LRRC4C: variants seen among roughly 807,000 people sequenced by gnomAD.
LRRC4C encodes leucine rich repeat containing 4C.
Under a neutral mutation model 33.6 loss-of-function variants are expected in LRRC4C, and 5 were observed. The ratio of observed to expected loss-of-function variants is 0.15; its 90% CI spans 0.08 to 0.31. The LOEUF (loss-of-function observed/expected upper bound fraction) is 0.31. Among genes scored for constraint, LRRC4C ranks in the 10% least tolerant of loss-of-function variants. The pLI, the probability that LRRC4C is intolerant of heterozygous loss-of-function variation, is 1.00. For synonymous variants in LRRC4C, 329 were observed against 302.0 expected (o/e 1.09, Z -0.93); for missense variants, 560 against 796.7 (o/e 0.70, Z 3.58).
At chr11:41,024,079 CA>C (rs1328760631) in intron 1 of LRRC4C, among the ~76,000 whole-genome samples, 2 of 151,392 alleles carry the variant, frequency 1.3e-5, no homozygotes, top group Non-Finnish European at 3.0e-5. Context: ...ACTACCTTAT[CA>C]TCCAAATTAT....
intron 2 of LRRC4C, among the ~76,000 whole-genome samples, chr11:40,692,565 G>T (rs1388933315): frequency 6.6e-6 from 1 of 152,038 alleles, no homozygotes; most frequent in East Asian, 1.9e-4. Context: ...GATGAATGGG[G>T]TGGAAGAAAA....
At chr11:40,142,070 G>T (rs1206460559) in intron 5 of LRRC4C, among the ~76,000 whole-genome samples, 2 of 152,028 alleles carry the variant, frequency 1.3e-5, no homozygotes, top group African/African-American at 4.8e-5. Flanking sequence ...ATCACCTGAT[G>T]TCAGGAGTTC....
At chr11:40,782,491 A>C (rs1245545745) in intron 2 of LRRC4C, among the ~76,000 whole-genome samples, 2 of 151,894 alleles carry the variant, frequency 1.3e-5, no homozygotes, top group Admixed American at 1.3e-4. Context: ...TAGCAGCCAC[A>C]AAAGGACTTG....
At chr11:41,395,640 G>A (rs978352039) in intron 1 of LRRC4C, among the ~76,000 whole-genome samples, 9 of 151,912 alleles carry the variant, frequency 5.9e-5, no homozygotes, top group Admixed American at 3.3e-4. Flanking sequence ...AAAATATCAA[G>A]ATCAAGGAAT....
chr11:40,293,094 C>G (rs1944304364), intron 4 of LRRC4C: 1 of 152,386 alleles, frequency 6.6e-6, no homozygotes, highest in Admixed American at 6.6e-5. Context: ...ATTTCAGCCA[C>G]CCGGCCAGCC....
intron 3 of LRRC4C, among the ~76,000 whole-genome samples, chr11:40,559,786 A>G (rs1468567304): frequency 6.6e-6 from 1 of 152,072 alleles, no homozygotes; most frequent in Non-Finnish European, 1.5e-5. Flanking sequence ...GTGGTATCTC[A>G]TTGAGGTTTT....
At chr11:41,189,343 G>A (rs2136201728) in intron 1 of LRRC4C, among the ~76,000 whole-genome samples, 1 of 152,200 alleles carries the variant, frequency 6.6e-6, no homozygotes, top group East Asian at 1.9e-4. Context: ...CTGGCTGAGG[G>A]AACAAGAAGA....
chr11:41,432,520 G>T (rs990530973), intron 1 of LRRC4C, among the ~76,000 whole-genome samples: 5 of 151,988 alleles, frequency 3.3e-5, no homozygotes, highest in Non-Finnish European at 7.4e-5. Flanking sequence ...ATTAATAAAA[G>T]AATATTGTAG....
At chr11:40,750,503 AG>A (rs1948632370) in intron 2 of LRRC4C, among the ~76,000 whole-genome samples, 1 of 151,952 alleles carries the variant, frequency 6.6e-6, no homozygotes, top group African/African-American at 2.4e-5. Context: ...TGTCCTTTGT[AG>A]GGACATGGAT....
intron 2 of LRRC4C, among the ~76,000 whole-genome samples, chr11:40,857,996 AC>A: frequency 9.9e-6 from 1 of 101,252 alleles, no homozygotes; most frequent in Admixed American, 1.1e-4. Flanking sequence ...AGGGACAGGG[AC>A]AGGGACAGGG....
chr11:41,370,147 A>G (rs557604581), intron 1 of LRRC4C, among the ~76,000 whole-genome samples: 1 of 152,272 alleles, frequency 6.6e-6, no homozygotes, highest in South Asian at 2.1e-4. Context: ...ATAATTTTGA[A>G]GTAAGACTGT....
chr11:40,775,207 G>A (rs141259555), intron 2 of LRRC4C, among the ~76,000 whole-genome samples: 16,257 of 151,826 alleles, frequency 0.11, 1,261 homozygotes, highest in East Asian at 0.41. Context: ...TCAGGAGATC[G>A]AGACCATCCT....
chr11:40,597,881 G>C (rs914338491), intron 3 of LRRC4C, among the ~76,000 whole-genome samples: 6 of 152,164 alleles, frequency 3.9e-5, no homozygotes, highest in Non-Finnish European at 8.8e-5. Context: ...CCAATAGTTT[G>C]CATAATATTT....
intron 2 of LRRC4C, among the ~76,000 whole-genome samples, chr11:40,926,726 T>C (rs1957419735): frequency 6.6e-6 from 1 of 152,124 alleles, no homozygotes; most frequent in Non-Finnish European, 1.5e-5. Flanking sequence ...TACTAGAGTA[T>C]TCATTAAATA....
intron 1 of LRRC4C, among the ~76,000 whole-genome samples, chr11:41,166,346 T>G (rs1360839043): frequency 6.6e-6 from 1 of 152,188 alleles, no homozygotes; most frequent in Non-Finnish European, 1.5e-5. Flanking sequence ...AGCAAATGCC[T>G]GGCAGAAATA....
chr11:40,999,563 A>G (rs1359167532), intron 1 of LRRC4C, among the ~76,000 whole-genome samples: 3 of 152,114 alleles, frequency 2.0e-5, no homozygotes, highest in African/African-American at 4.8e-5. Flanking sequence ...CTTTTTTCTT[A>G]AGGGAACAAC....
chr11:40,632,267 C>A (rs960778874), intron 3 of LRRC4C, among the ~76,000 whole-genome samples: 2 of 152,146 alleles, frequency 1.3e-5, no homozygotes, highest in Non-Finnish European at 2.9e-5. Context: ...TTTGTATCAT[C>A]TTTGGGACTG....
At chr11:41,424,868 A>T (rs1038965646) in intron 1 of LRRC4C, among the ~76,000 whole-genome samples, 1 of 152,098 alleles carries the variant, frequency 6.6e-6, no homozygotes, top group Non-Finnish European at 1.5e-5. Context: ...AAATTTATAC[A>T]GATAGTAGCT....
At chr11:41,437,710 G>A (rs1000691581) in intron 1 of LRRC4C, among the ~76,000 whole-genome samples, 1 of 151,926 alleles carries the variant, frequency 6.6e-6, no homozygotes, top group Non-Finnish European at 1.5e-5. Flanking sequence ...ACTTTTTTGC[G>A]CTAAAGAGTA....
Sources: allele counts gnomAD v4.1 joint callset (sites outside exome capture counted in the v4.1 genomes callset), GRCh38; gene constraint gnomAD v4.1.1; transcripts MANE v1.5; gene names NCBI Gene and HGNC (gene_info 2026-07-23, HGNC 2026-07-21).